The following SMURF2 variants were observed in gnomAD, a reference collection of about 807,000 sequenced individuals.
SMURF2 encodes the protein SMAD specific E3 ubiquitin protein ligase 2, also known as E3 ubiquitin-protein ligase SMURF2.
A neutral mutation model predicts 109.6 loss-of-function variants in SMURF2; 48 were observed. The observed-to-expected ratio is 0.44, with a 90% CI of 0.35 to 0.56. The LOEUF is 0.56. Among genes scored for constraint, SMURF2 ranks in the 20% least tolerant of loss-of-function variants. The probability of loss-of-function intolerance (pLI) is 0.01; values close to 1 mark genes in which losing one functional copy is unlikely to be tolerated. For synonymous variants in SMURF2, 288 were observed against 317.1 expected (o/e 0.91, Z 0.97); for missense variants, 575 against 909.0 (o/e 0.63, Z 4.72).
At chr17:64,622,701 G>A (rs916703729) in intron 1 of SMURF2, among the ~76,000 whole-genome samples, 2 of 152,112 alleles carry the variant, frequency 1.3e-5, no homozygotes, top group Non-Finnish European at 2.9e-5. Context: ...TATCACTGTT[G>A]ATATTAACCT....
At chr17:64,546,240 A>G in intron 18 of SMURF2, 23 bp downstream of exon 18, 2 of 1,608,726 alleles carry the variant, frequency 1.2e-6, no homozygotes, top group East Asian at 2.2e-5. Flanking sequence ...GGAATGGGGA[A>G]TACAGCTACA....
intron 1 of SMURF2, among the ~76,000 whole-genome samples, chr17:64,637,012 G>A (rs1241700574): frequency 6.6e-6 from 1 of 151,992 alleles, no homozygotes; most frequent in Non-Finnish European, 1.5e-5. Flanking sequence ...TTGAGCCCAG[G>A]AGTTCGAGAC....
At chr17:64,583,840 T>G (rs979071892) in intron 6 of SMURF2, among the ~76,000 whole-genome samples, 2 of 151,982 alleles carry the variant, frequency 1.3e-5, no homozygotes, top group Non-Finnish European at 2.9e-5. Context: ...CTCCAGAATA[T>G]GGAAAATGGC....
intron 13 of SMURF2, among the ~76,000 whole-genome samples, chr17:64,557,178 A>C (rs1168057891): frequency 6.6e-6 from 1 of 152,222 alleles, no homozygotes; most frequent in Admixed American, 6.5e-5. Flanking sequence ...TTTCATTCTC[A>C]TAACCCCTCT....
intron 15 of SMURF2, among the ~76,000 whole-genome samples, chr17:64,554,173 T>A (rs1969085211): frequency 1.3e-5 from 2 of 152,214 alleles, no homozygotes; most frequent in South Asian, 4.1e-4. Flanking sequence ...TTGCCACCTG[T>A]GATAGCTACA....
chr17:64,630,684 G>A (rs1970326474), intron 1 of SMURF2, among the ~76,000 whole-genome samples: 1 of 152,160 alleles, frequency 6.6e-6, no homozygotes, highest in Admixed American at 6.6e-5. Flanking sequence ...ACTATCCTTA[G>A]AAAATTATAA....
intron 1 of SMURF2, among the ~76,000 whole-genome samples, chr17:64,624,507 A>G (rs928498364): frequency 6.7e-6 from 1 of 150,264 alleles, no homozygotes; most frequent in Non-Finnish European, 1.5e-5. Flanking sequence ...CCTCTACAAA[A>G]AAAAAAAAAA....
intron 5 of SMURF2, among the ~76,000 whole-genome samples, chr17:64,587,941 A>G (rs1344415347): frequency 2.6e-5 from 4 of 152,088 alleles, no homozygotes; most frequent in Non-Finnish European, 2.9e-5. Flanking sequence ...CCAGAATGCT[A>G]TGTTAATAGC....
At chr17:64,554,505 A>C (rs772795850) in intron 15 of SMURF2, among the ~76,000 whole-genome samples, 6 of 152,150 alleles carry the variant, frequency 3.9e-5, no homozygotes, top group Admixed American at 6.5e-5. Flanking sequence ...CAAGGAACTC[A>C]GCCAACAATG....
Position 64,583,462 on chromosome 17 carries a change from G to A in SMURF2, c.568C>T (p.Arg190Ter), listed in dbSNP as rs781786195. 3 of 1,611,354 alleles carry A rather than the reference G, an allele frequency of 1.9e-6. No individual in the cohort carries two copies. Among genetic ancestry groups the A allele is most frequent in the Non-Finnish European group, 2.5e-6 (3 of 1,177,590 alleles). Residue 190 changes from arginine (R) to a stop codon, truncating the protein, a stop_gained and splice_region_variant, in exon 7 of 19, where the codon CGA becomes TGA. Coordinates refer to ENST00000262435, the MANE Select transcript of SMURF2 (RefSeq NM_022739.4). LOFTEE classifies it high-confidence loss of function. ...TRTTQWERPT[R>*]PASEYSSPGR... ...GAGAAAATATTTGTATGTTCTTACC[G>A]TGTTGGGCGCTCCCATTGCGTAGTT...
intron 16 of SMURF2, among the ~76,000 whole-genome samples, chr17:64,550,774 AAAAG>A (rs1969033490): frequency 6.6e-6 from 1 of 151,524 alleles, no homozygotes; most frequent in South Asian, 2.1e-4. Flanking sequence ...AAAAAAAAAA[AAAAG>A]AGAGAGACAT....
chr17:64,642,945 C>T (rs1490631154), intron 1 of SMURF2, among the ~76,000 whole-genome samples: 1 of 152,072 alleles, frequency 6.6e-6, no homozygotes, highest in African/African-American at 2.4e-5. Context: ...CAGGCATGCA[C>T]CACCACGCCT....
rs1568172425 is a variant in SMURF2 at position 64,555,822 on chromosome 17, T to C, written c.1608A>G (p.Ile536Met). The C allele has an allele frequency of 6.2e-7, 1 of 1,605,512 alleles. No individual in the cohort carries two copies. Residue 536 changes from isoleucine (I) to methionine (M), a missense_variant and splice_region_variant, in exon 14 of 19, where the codon ATA (isoleucine) becomes ATG (methionine). Transcript: ENST00000262435. ...GAGATAGAAGACTCAATACATACAG[T>C]ATCCACACTAAACTGTTGTGAAGAT... The part of the protein sequence containing the change: ...DPDLHNSLVW[I>M]LENDITGVLD...
chr17:64,642,879 C>T (rs115867497), intron 1 of SMURF2, among the ~76,000 whole-genome samples: 7,596 of 152,062 alleles, frequency 0.05, 318 homozygotes, highest in Admixed American at 0.14. Flanking sequence ...ACTGCAGCTT[C>T]GACCTCCCAG....
intron 1 of SMURF2, among the ~76,000 whole-genome samples, chr17:64,643,135 C>T (rs539503697): frequency 1.3e-5 from 2 of 152,186 alleles, no homozygotes; most frequent in African/African-American, 4.8e-5. Context: ...AGTGACCCTC[C>T]CATCTCAGCT....
At chr17:64,651,353 A>C (rs1030198845) in intron 1 of SMURF2, among the ~76,000 whole-genome samples, 19 of 152,080 alleles carry the variant, frequency 1.2e-4, no homozygotes, top group Non-Finnish European at 2.6e-4. Context: ...CGGGTGGATC[A>C]TTTGATGTCA....
intron 9 of SMURF2, chr17:64,572,745 G>C (rs551374495): frequency 6.6e-6 from 1 of 152,316 alleles, no homozygotes; most frequent in South Asian, 2.1e-4. Context: ...GTAGCTCCTT[G>C]CCCTCCCCCC....
chr17:64,572,764 T>C (rs1480922368), intron 9 of SMURF2: 2 of 152,214 alleles, frequency 1.3e-5, no homozygotes, highest in African/African-American at 4.8e-5. Flanking sequence ...CCATACTGTG[T>C]CCTAAGCATT....
chr17:64,559,262 C>T (rs1384093751), intron 12 of SMURF2, among the ~76,000 whole-genome samples: 4 of 152,108 alleles, frequency 2.6e-5, no homozygotes, highest in African/African-American at 9.7e-5. Context: ...TGTCACATTC[C>T]ATTTATTCTG....
Sources: allele counts gnomAD v4.1 joint callset (sites outside exome capture counted in the v4.1 genomes callset), GRCh38; gene constraint gnomAD v4.1.1; transcripts MANE v1.5; gene names NCBI Gene and HGNC (gene_info 2026-07-23, HGNC 2026-07-21).